The following LUZP2 variants were observed in gnomAD, a reference collection of about 807,000 sequenced individuals.
LUZP2 encodes leucine zipper protein 2.
Under a neutral mutation model 51.6 loss-of-function variants are expected in LUZP2, and 52 were observed. The ratio of observed to expected loss-of-function variants is 1.01; its 90% CI spans 0.81 to 1.27. The LOEUF is 1.27. LUZP2 is among the 50% of genes most tolerant of loss of function. The pLI is 0.00. For missense variants in LUZP2, 436 were observed against 395.4 expected (o/e 1.10, Z -0.87); for synonymous variants, 154 against 137.3 (o/e 1.12, Z -0.85).
chr11:24,535,151 G>A (rs11027985), intron 1 of LUZP2, among the ~76,000 whole-genome samples: 35,065 of 149,588 alleles, frequency 0.23, 5,374 homozygotes, highest in African/African-American at 0.44. Flanking sequence ...AAAAAAAAAG[G>A]TAGTAGTGAT....
chr11:24,657,320 C>T (rs1216549290), intron 1 of LUZP2, among the ~76,000 whole-genome samples: 5 of 152,064 alleles, frequency 3.3e-5, no homozygotes, highest in African/African-American at 1.2e-4. Flanking sequence ...CAAATGAATG[C>T]TAAATTTGGA....
chr11:24,622,984 C>G (rs73433094), intron 1 of LUZP2, among the ~76,000 whole-genome samples: 27,802 of 151,980 alleles, frequency 0.18, 2,851 homozygotes, highest in African/African-American at 0.27. Context: ...GCAAAGTTTT[C>G]TTGATGCAAA....
chr11:24,710,699 A>G (rs568407130), intron 1 of LUZP2, among the ~76,000 whole-genome samples: 2 of 152,346 alleles, frequency 1.3e-5, no homozygotes, highest in African/African-American at 4.8e-5. Flanking sequence ...AGTATTATAT[A>G]TCACAACCCC....
At chr11:24,696,209 G>T (rs1227266830) in intron 1 of LUZP2, among the ~76,000 whole-genome samples, 1 of 152,034 alleles carries the variant, frequency 6.6e-6, no homozygotes, top group Non-Finnish European at 1.5e-5. Context: ...ACTATTTGGG[G>T]AAGGACAAGA....
At chr11:24,861,146 T>A (rs536126771) in intron 5 of LUZP2, among the ~76,000 whole-genome samples, 1 of 152,158 alleles carries the variant, frequency 6.6e-6, no homozygotes, top group South Asian at 2.1e-4. Flanking sequence ...CATGAGAACT[T>A]CGTGAAGCAT....
chr11:24,732,659 T>C (rs569478344), intron 3 of LUZP2, among the ~76,000 whole-genome samples: 9 of 151,832 alleles, frequency 5.9e-5, no homozygotes, highest in Admixed American at 5.9e-4. Flanking sequence ...TTGGTTTGCT[T>C]ATTTTTGAGG....
chr11:24,848,454 C>T (rs1263821235), intron 5 of LUZP2, among the ~76,000 whole-genome samples: 2 of 152,272 alleles, frequency 1.3e-5, no homozygotes, highest in South Asian at 2.1e-4. Context: ...TCTTCAGCTC[C>T]CACCCTTCCA....
intron 5 of LUZP2, among the ~76,000 whole-genome samples, chr11:24,788,145 T>C (rs1345268446): frequency 6.6e-6 from 1 of 151,968 alleles, no homozygotes; most frequent in Non-Finnish European, 1.5e-5. Flanking sequence ...CTTAATTCTT[T>C]CACTGTAACA....
At chr11:25,016,172 G>T (rs182742254) in intron 9 of LUZP2, among the ~76,000 whole-genome samples, 1 of 151,872 alleles carries the variant, frequency 6.6e-6, no homozygotes, top group Admixed American at 6.6e-5. Flanking sequence ...CGCCCACTTC[G>T]GCCTCCAAAA....
chr11:25,068,074 C>T (rs950114953), intron 10 of LUZP2, among the ~76,000 whole-genome samples: 1 of 151,896 alleles, frequency 6.6e-6, no homozygotes, highest in Non-Finnish European at 1.5e-5. Context: ...GACAGAAAGT[C>T]AAACACCACA....
In LUZP2 at chr11:24,497,254, G is replaced by A; in HGVS notation, c.11G>A (p.Ser4Asn). The A allele has an allele frequency of 1.9e-6, 3 of 1,563,514 alleles. No individual in the cohort carries two copies. Among genetic ancestry groups the A allele is most frequent in the East Asian group, 2.5e-5 (1 of 39,740 alleles). The change falls in exon 1 of 12, where the codon AGC (serine) becomes AAC (asparagine). Residue 4 changes from serine to asparagine, a missense_variant. Physicochemically the swap from Ser to Asn is conservative, Grantham distance 46 (BLOSUM62 1). Transcript: ENST00000336930. The part of the protein sequence containing the change: MKF[S>N]PAHYLLPLLP... ...CCGGCAGGCAGCAGCATGAAATTCAGCCCAGCGCACTACCTGCTGCCTCTC... is the reference window on the plus strand; with the variant it reads ...CCGGCAGGCAGCAGCATGAAATTCAACCCAGCGCACTACCTGCTGCCTCTC...
rs1277388215 is a variant in LUZP2 at position 24,922,825 on chromosome 11, C to CTTT, written c.522+8296_522+8298dup. Among the ~76,000 whole-genome samples, 69 of 44,620 alleles carry CTTT rather than the reference C, an allele frequency of 1.5e-3. 14 individuals carry two copies. The highest frequency in any genetic ancestry group is 2.3e-3 in the African/African-American group (51 of 21,926). 29.3% of individuals were successfully genotyped at this position (44,620 alleles called of 152,430 possible). ...GGACTACCAAGTGGCACAGTTATAT[C>CTTT]TTTTTTTTTTTCTTTTTTTTTTTTT... On this transcript the variant is annotated intron_variant, in intron 7 of 11. Coordinates refer to ENST00000336930, the MANE Select transcript of LUZP2 (RefSeq NM_001009909.4).
chr11:24,647,663 A>G (rs1382102838), intron 1 of LUZP2, among the ~76,000 whole-genome samples: 1 of 151,978 alleles, frequency 6.6e-6, no homozygotes, highest in Non-Finnish European at 1.5e-5. Context: ...AACTTTCTCA[A>G]ATAGAATTAT....
chr11:24,940,334 C>T (rs1315867278), intron 7 of LUZP2, among the ~76,000 whole-genome samples: 1 of 152,054 alleles, frequency 6.6e-6, no homozygotes, highest in African/African-American at 2.4e-5. Flanking sequence ...AATAGGAGCA[C>T]TTTGATGGGT....
At position 24,640,255 on chromosome 11, in the gene LUZP2, C is replaced by G. The variant is rs908215439; in HGVS notation, c.63-88914C>G. The stretch of plus-strand genomic sequence containing the variant: ...AAAAAGACTCCTGTGTATGTTTAGT[C>G]AAGCTGGGCGGAAAGTTAAGGGCAT... On this transcript the variant is annotated intron_variant, in intron 1 of 11. Transcript: ENST00000336930. 2.6e-5 allele frequency among the ~76,000 whole-genome samples: 4 copies of G among 151,836 alleles called. 1 individual carries two copies. The highest frequency in any genetic ancestry group is 7.3e-5 in the African/African-American group (3 of 41,142).
chr11:24,539,507 T>C (rs1199616667), intron 1 of LUZP2, among the ~76,000 whole-genome samples: 1 of 151,960 alleles, frequency 6.6e-6, no homozygotes, highest in African/African-American at 2.4e-5. Context: ...TTAAGCAGTA[T>C]CAAATCAAGC....
chr11:24,939,507 A>G (rs1012315068), intron 7 of LUZP2, among the ~76,000 whole-genome samples: 1 of 152,028 alleles, frequency 6.6e-6, no homozygotes, highest in Admixed American at 6.6e-5. Context: ...CCTTGAAGGC[A>G]TTGCACCAAT....
intron 1 of LUZP2, among the ~76,000 whole-genome samples, chr11:24,705,483 C>T (rs1029689664): frequency 6.6e-6 from 1 of 152,176 alleles, no homozygotes; most frequent in Non-Finnish European, 1.5e-5. Context: ...GGTTTCAATG[C>T]TGCTGAAATT....
At chr11:25,002,334 C>A (rs566582829) in intron 9 of LUZP2, among the ~76,000 whole-genome samples, 1 of 152,272 alleles carries the variant, frequency 6.6e-6, no homozygotes, top group South Asian at 2.1e-4. Context: ...TCCAAGAGAT[C>A]ATCTCGGGCA....
Sources: allele counts gnomAD v4.1 joint callset (sites outside exome capture counted in the v4.1 genomes callset), GRCh38; gene constraint gnomAD v4.1.1; transcripts MANE v1.5; gene names NCBI Gene and HGNC (gene_info 2026-07-23, HGNC 2026-07-21).